The following ANO4 variants were observed in gnomAD, a reference collection of about 807,000 sequenced individuals.
The protein encoded by ANO4 is anoctamin-4.
In ANO4, 69 loss-of-function variants were observed where a neutral mutation model predicts 141.9. The ratio of observed to expected loss-of-function variants is 0.49; its 90% CI spans 0.40 to 0.59. ANO4 has a LOEUF of 0.59. Among genes scored for constraint, ANO4 ranks in the 20% least tolerant of loss-of-function variants. The probability of loss-of-function intolerance (pLI) is 0.00; values close to 1 mark genes in which losing one functional copy is unlikely to be tolerated. For synonymous variants in ANO4, 350 were observed against 394.3 expected (o/e 0.89, Z 1.33); for missense variants, 894 against 1,162.2 (o/e 0.77, Z 3.36).
intron 2 of ANO4, among the ~76,000 whole-genome samples, chr12:100,908,856 C>G (rs1422275482): frequency 1.3e-5 from 2 of 152,234 alleles, no homozygotes; most frequent in African/African-American, 4.8e-5. Flanking sequence ...TGTAGATTTT[C>G]TGTTCCATCT....
chr12:100,903,240 A>G (rs1361488645), intron 2 of ANO4, among the ~76,000 whole-genome samples: 2 of 152,140 alleles, frequency 1.3e-5, no homozygotes, highest in Non-Finnish European at 2.9e-5. Context: ...AAGGTGGACA[A>G]CCCACTTGTT....
chr12:100,832,059 G>C (rs1457584862), intron 1 of ANO4, among the ~76,000 whole-genome samples: 1 of 152,030 alleles, frequency 6.6e-6, no homozygotes, highest in Non-Finnish European at 1.5e-5. Context: ...GCCAGGGTTT[G>C]AACTGAGATC....
chr12:100,871,472 C>T, intron 1 of ANO4, among the ~76,000 whole-genome samples: 1 of 152,216 alleles, frequency 6.6e-6, no homozygotes, highest in Non-Finnish European at 1.5e-5. Flanking sequence ...TGCCCCAATG[C>T]ACTTTATATG....
At chr12:100,815,569 G>C (rs1482610717) in intron 1 of ANO4, among the ~76,000 whole-genome samples, 2 of 151,982 alleles carry the variant, frequency 1.3e-5, no homozygotes, top group African/African-American at 4.8e-5. Flanking sequence ...GGATTACGTA[G>C]GTGATAAATT....
At chr12:100,894,381 G>A (rs764945513) in intron 1 of ANO4, among the ~76,000 whole-genome samples, 1 of 151,948 alleles carries the variant, frequency 6.6e-6, no homozygotes, top group African/African-American at 2.4e-5. Flanking sequence ...TCGGTGGTTG[G>A]GGGGAGCGGG....
intron 3 of ANO4, among the ~76,000 whole-genome samples, chr12:100,755,108 G>A (rs2032551741): frequency 1.3e-5 from 2 of 152,106 alleles, no homozygotes; most frequent in Non-Finnish European, 2.9e-5. Context: ...AATGATCTCT[G>A]GCAACCTGTA....
At chr12:101,076,365 G>A (rs960487473) in intron 14 of ANO4, among the ~76,000 whole-genome samples, 1 of 152,126 alleles carries the variant, frequency 6.6e-6, no homozygotes, top group Non-Finnish European at 1.5e-5. Flanking sequence ...AAATCTGCTG[G>A]TGCCTTGATC....
At chr12:100,872,388 T>C (rs1206451242) in intron 1 of ANO4, among the ~76,000 whole-genome samples, 1 of 152,162 alleles carries the variant, frequency 6.6e-6, no homozygotes, top group Non-Finnish European at 1.5e-5. Context: ...GAAAACGTGA[T>C]CTCAAGATCA....
chr12:101,117,346 G>A (rs2050895504), intron 25 of ANO4, among the ~76,000 whole-genome samples: 1 of 152,122 alleles, frequency 6.6e-6, no homozygotes, highest in Non-Finnish European at 1.5e-5. Flanking sequence ...CTCTTGATGT[G>A]TATCTATACA....
At chr12:100,900,340 C>T (rs969374435) in intron 1 of ANO4, among the ~76,000 whole-genome samples, 1 of 151,700 alleles carries the variant, frequency 6.6e-6, no homozygotes, top group African/African-American at 2.4e-5. Flanking sequence ...TTCTAGGGTA[C>T]ATGTGCACAA....
In ANO4 at chr12:100,950,137, A is replaced by G. The variant is rs186836122; in HGVS notation, c.456+7602A>G. ...AACATCCTCCCTTCCTTCACAGTTGAAAACATGATGATGAGTGTCTCAAAT... is the reference window on the plus strand; with the variant it reads ...AACATCCTCCCTTCCTTCACAGTTGGAAACATGATGATGAGTGTCTCAAAT... On this transcript the variant is annotated intron_variant, in intron 5 of 27. Transcript: ENST00000392977. Among the ~76,000 whole-genome samples the G allele has an allele frequency of 7.9e-5, 12 of 152,292 alleles. No homozygotes were observed. In the East Asian group the frequency reaches 2.1e-3, roughly 27 times the overall value.
intron 1 of ANO4, among the ~76,000 whole-genome samples, chr12:100,851,082 G>A (rs75812299): frequency 0.1 from 15,188 of 152,092 alleles, 881 homozygotes; most frequent in South Asian, 0.17. Flanking sequence ...CATATTGCAA[G>A]TGGAAATACC....
intron 2 of ANO4, among the ~76,000 whole-genome samples, chr12:100,903,378 G>A (rs112559553): frequency 2.0e-4 from 31 of 151,924 alleles, no homozygotes; most frequent in Admixed American, 1.1e-3. Flanking sequence ...TTCCCAGTAC[G>A]TACCAAATCC....
At chr12:101,118,518 A>G (rs954491346) in intron 25 of ANO4, among the ~76,000 whole-genome samples, 1 of 152,186 alleles carries the variant, frequency 6.6e-6, no homozygotes, top group Non-Finnish European at 1.5e-5. Context: ...ATAGCAGGTG[A>G]GGCACCCAGA....
chr12:100,921,477 T>A (rs749029386), intron 2 of ANO4, among the ~76,000 whole-genome samples: 28 of 152,186 alleles, frequency 1.8e-4, no homozygotes, highest in Non-Finnish European at 2.6e-4. Context: ...CCTGGCAGAC[T>A]CCTCAAATCG....
At chr12:100,979,895 C>CT (rs71091474) in intron 7 of ANO4, among the ~76,000 whole-genome samples, 3,076 of 119,344 alleles carry the variant, frequency 0.026, 71 homozygotes, top group Non-Finnish European at 0.036. Flanking sequence ...GCCCAGCTGA[C>CT]TTTTTTTTTT....
chr12:101,124,386 T>G (rs540439897), intron 26 of ANO4, among the ~76,000 whole-genome samples: 1 of 152,342 alleles, frequency 6.6e-6, no homozygotes, highest in South Asian at 2.1e-4. Flanking sequence ...GTTAGATGGA[T>G]AGATTACAAA....
At chr12:100,948,936 C>A (rs1308600618) in intron 5 of ANO4, among the ~76,000 whole-genome samples, 1 of 152,178 alleles carries the variant, frequency 6.6e-6, no homozygotes, top group Admixed American at 6.6e-5. Flanking sequence ...GTCAGAGAGA[C>A]CCTCCTTGCT....
intron 1 of ANO4, among the ~76,000 whole-genome samples, chr12:100,842,426 T>TGTGC (rs2037323462): frequency 6.6e-6 from 1 of 151,986 alleles, no homozygotes; most frequent in Admixed American, 6.6e-5. Context: ...TGTGTGTGTG[T>TGTGC]GTGCCTGTCT....
Sources: allele counts gnomAD v4.1 joint callset (sites outside exome capture counted in the v4.1 genomes callset), GRCh38; gene constraint gnomAD v4.1.1; transcripts MANE v1.5; gene names NCBI Gene and HGNC (gene_info 2026-07-23, HGNC 2026-07-21).